DNAI4: variants seen among roughly 807,000 people sequenced by gnomAD.
DNAI4 encodes the protein WD repeat domain 78.
DNAI4 carries 85 observed loss-of-function variants against 105.8 expected under a neutral mutation model. The ratio of observed to expected loss-of-function variants is 0.80; its 90% CI spans 0.67 to 0.96. The LOEUF (loss-of-function observed/expected upper bound fraction) is 0.96. DNAI4 is among the 40% of genes least tolerant of loss of function. The pLI is 0.00. For missense variants in DNAI4, 1,014 were observed against 1,005.6 expected, an observed-to-expected ratio of 1.01 and a Z score of -0.11; for synonymous variants, 352 against 331.5, an observed-to-expected ratio of 1.06 and a Z score of -0.67.
At chr1:66,814,604 A>G (rs1418121976) in intron 16 of DNAI4, among the ~76,000 whole-genome samples, 2 of 152,122 alleles carry the variant, frequency 1.3e-5, no homozygotes, top group Non-Finnish European at 2.9e-5. Flanking sequence ...TCCTGACCTC[A>G]TGATTCGCCC....
At chr1:66,854,785 C>G (rs1646466796) in intron 7 of DNAI4, among the ~76,000 whole-genome samples, 2 of 151,920 alleles carry the variant, frequency 1.3e-5, no homozygotes, top group Non-Finnish European at 2.9e-5. Flanking sequence ...GCCTGGGTGG[C>G]AGAGCAAGAC....
At chr1:66,919,689 T>C (rs1451905098) in intron 1 of DNAI4, among the ~76,000 whole-genome samples, 1 of 152,242 alleles carries the variant, frequency 6.6e-6, no homozygotes, top group African/African-American at 2.4e-5. Context: ...TAGAATGTTA[T>C]GTTCTCCTTA....
chr1:66,881,817 G>C (rs915694460), intron 4 of DNAI4, among the ~76,000 whole-genome samples: 12 of 152,154 alleles, frequency 7.9e-5, no homozygotes, highest in African/African-American at 2.9e-4. Flanking sequence ...ATATAGTTTG[G>C]CTGTGTCTCC....
intron 2 of DNAI4, among the ~76,000 whole-genome samples, chr1:66,902,318 T>C (rs1334331508): frequency 6.6e-6 from 1 of 152,202 alleles, no homozygotes; most frequent in Non-Finnish European, 1.5e-5. Context: ...TGTTTAGTGA[T>C]GTTGAGTATC....
chr1:66,882,750 T>C (rs1244777753), intron 4 of DNAI4, among the ~76,000 whole-genome samples: 1 of 152,070 alleles, frequency 6.6e-6, no homozygotes, highest in Non-Finnish European at 1.5e-5. Flanking sequence ...TTTTTTTTTT[T>C]CCAGAGTTGG....
chr1:66,836,266 A>C (rs376458700), intron 10 of DNAI4, among the ~76,000 whole-genome samples: 1 of 27,634 alleles, frequency 3.6e-5, no homozygotes, highest in Non-Finnish European at 8.5e-5. Flanking sequence ...GAAAGAAAGA[A>C]AGAAAGAAAG....
rs773980267 is a variant in DNAI4 at position 66,837,812 on chromosome 1, A to G, written c.1495-16T>C. 7 of 1,589,102 alleles carry G rather than the reference A, an allele frequency of 4.4e-6. No homozygotes were observed. The East Asian group carries it at 1.6e-4, about 36-fold the overall frequency. ...CCAAAAGATCCTGAAAACCAGAAAA[A>G]TACATTTAAAAATAAGAGAAGATAG... On this transcript the variant is annotated splice_polypyrimidine_tract_variant and intron_variant, in intron 9 of 16. Transcript: ENST00000371026.
At chr1:66,917,524 C>T (rs573625572) in intron 1 of DNAI4, among the ~76,000 whole-genome samples, 11 of 152,328 alleles carry the variant, frequency 7.2e-5, no homozygotes, top group Admixed American at 2.0e-4. Flanking sequence ...TCAAGCAGAA[C>T]AGGAGTTAAC....
intron 4 of DNAI4, among the ~76,000 whole-genome samples, chr1:66,883,124 T>TATATATA (rs1180329244): frequency 6.6e-6 from 1 of 151,616 alleles, no homozygotes; most frequent in East Asian, 1.9e-4. Context: ...TATATTGACC[T>TATATATA]TGTATCCTGC....
Position 66,825,396 on chromosome 1 carries a change from T to G in DNAI4, c.2339+1424A>C, listed in dbSNP as rs549048522. Among the ~76,000 whole-genome samples the G allele has an allele frequency of 1.1e-4, 17 of 151,690 alleles. 1 individual carries two copies. In the South Asian group the frequency reaches 3.5e-3, roughly 32 times the overall value. On this transcript the variant is annotated intron_variant, in intron 15 of 16. Coordinates refer to ENST00000371026, the MANE Select transcript of DNAI4 (RefSeq NM_024763.5). ...CGGGGTTTCACCTTGTTAGCCAGGATGGTCTCGATCTCCTGACCTCATGAT... is the reference window on the plus strand; with the variant it reads ...CGGGGTTTCACCTTGTTAGCCAGGAGGGTCTCGATCTCCTGACCTCATGAT...
chr1:66,840,874 C>G (rs775630128), intron 8 of DNAI4, among the ~76,000 whole-genome samples: 18 of 152,314 alleles, frequency 1.2e-4, no homozygotes, highest in Non-Finnish European at 2.4e-4. Context: ...CAACTCAAAG[C>G]CAGCAGCTTT....
At chr1:66,864,544 G>GA (rs1032981468) in intron 6 of DNAI4, among the ~76,000 whole-genome samples, 1 of 152,126 alleles carries the variant, frequency 6.6e-6, no homozygotes, top group African/African-American at 2.4e-5. Flanking sequence ...TGCTATAAAA[G>GA]AAAAAACATT....
At chr1:66,879,771 A>G (rs548117607) in intron 4 of DNAI4, among the ~76,000 whole-genome samples, 1 of 152,326 alleles carries the variant, frequency 6.6e-6, no homozygotes, top group South Asian at 2.1e-4. Context: ...TCCTAATGAC[A>G]TATGAAACTG....
chr1:66,855,229 C>A (rs1377218431), intron 7 of DNAI4, among the ~76,000 whole-genome samples: 1 of 152,196 alleles, frequency 6.6e-6, no homozygotes, highest in Non-Finnish European at 1.5e-5. Flanking sequence ...ACTTGCCTAC[C>A]TTGCCTCACC....
Position 66,862,279 on chromosome 1 carries a change from A to G in DNAI4, c.964T>C (p.Leu322=), listed in dbSNP as rs759066391. The G allele has an allele frequency of 3.7e-6, 6 of 1,608,496 alleles. No individual in the cohort carries two copies. In the East Asian group the frequency reaches 1.3e-4, roughly 36 times the overall value. Residue 322 remains leucine, a synonymous_variant, in exon 7 of 17, where the codon TTG becomes CTG. Coordinates refer to ENST00000371026, the MANE Select transcript of DNAI4 (RefSeq NM_024763.5). Reference sequence around the variant, plus strand: ...TCCATAGCATTGTAAGAATCATACAAATCCCAGGCAGTGGACATTATGCCT... The same window carrying G: ...TCCATAGCATTGTAAGAATCATACAGATCCCAGGCAGTGGACATTATGCCT... The part of the protein sequence containing the change: ...DKGIMSTAWD[L]YDSYNAMELV...
intron 5 of DNAI4, 75 bp downstream of exon 5, chr1:66,874,706 A>G: frequency 1.3e-6 from 2 of 1,501,692 alleles, no homozygotes; most frequent in African/African-American, 1.4e-5. Context: ...AGGACCCTTC[A>G]CAGAAACAAG....
Position 66,921,936 on chromosome 1 carries a change from G to C in DNAI4, c.170+2726C>G, listed in dbSNP as rs1006590404. ...TTTTGAGGTGGAATCTCACTCTGTC[G>C]ACCAGGCTGGAGTACAATGGCAGTG... On this transcript the variant is annotated intron_variant, in intron 1 of 16. Transcript: ENST00000371026. Among the ~76,000 whole-genome samples the C allele has an allele frequency of 3.5e-5, 5 of 144,424 alleles. No individual in the cohort carries two copies. In the East Asian group the frequency reaches 8.1e-4, roughly 23 times the overall value. 94.7% of individuals were successfully genotyped at this position (144,424 alleles called of 152,430 possible).
chr1:66,837,649 T>C, intron 10 of DNAI4, 61 bp downstream of exon 10: 3 of 1,483,516 alleles, frequency 2.0e-6, no homozygotes, highest in Non-Finnish European at 2.8e-6. Flanking sequence ...TGTAATTATA[T>C]ATTTTATGAG....
Position 66,832,573 on chromosome 1 carries a change from A to G in DNAI4, c.2013+1012T>C, listed in dbSNP as rs1332430316. On this transcript the variant is annotated intron_variant, in intron 13 of 16. Coordinates refer to ENST00000371026, the MANE Select transcript of DNAI4 (RefSeq NM_024763.5). Reference sequence around the variant, plus strand: ...GGATGGTTAATGGGTACAAAGAAATAGAATGAATGAATAATATCTAGTATT... The same window carrying G: ...GGATGGTTAATGGGTACAAAGAAATGGAATGAATGAATAATATCTAGTATT... Among the ~76,000 whole-genome samples, 6 of 152,260 alleles carry G rather than the reference A, an allele frequency of 3.9e-5. No homozygotes were observed. In the East Asian group the frequency reaches 9.7e-4, roughly 24 times the overall value.
Sources: allele counts gnomAD v4.1 joint callset (sites outside exome capture counted in the v4.1 genomes callset), GRCh38; gene constraint gnomAD v4.1.1; transcripts MANE v1.5; gene names NCBI Gene and HGNC (gene_info 2026-07-23, HGNC 2026-07-21).